The following GRIK5 variants were observed in gnomAD, a reference collection of about 807,000 sequenced individuals.
GRIK5 encodes glutamate ionotropic receptor kainate type subunit 5.
Under a neutral mutation model 97.4 loss-of-function variants are expected in GRIK5, and 43 were observed. The observed-to-expected ratio is 0.44, with a 90% CI of 0.35 to 0.57. GRIK5 has a LOEUF of 0.57. GRIK5 is among the 20% of genes least tolerant of loss of function. GRIK5 has a pLI of 0.01. For synonymous variants in GRIK5, 580 were observed against 583.5 expected (o/e 0.99, Z 0.09); for missense variants, 1,015 against 1,382.0 (o/e 0.73, Z 4.21).
At chr19:42,013,664 C>T (rs527928346) in intron 15 of GRIK5, among the ~76,000 whole-genome samples, 10 of 152,162 alleles carry the variant, frequency 6.6e-5, no homozygotes, top group Admixed American at 3.9e-4. Context: ...CCCACCTCGG[C>T]CTCCCAAAGT....
At chr19:42,041,894 C>T (rs1019187691) in intron 12 of GRIK5, among the ~76,000 whole-genome samples, 2 of 152,148 alleles carry the variant, frequency 1.3e-5, no homozygotes, top group Admixed American at 1.3e-4. Flanking sequence ...CCTCTGGGAC[C>T]GTCCTCTGAG....
chr19:42,023,979 G>A (rs1408652071), intron 12 of GRIK5, among the ~76,000 whole-genome samples: 2 of 152,210 alleles, frequency 1.3e-5, no homozygotes, highest in Non-Finnish European at 2.9e-5. Context: ...CAGCTGCCCT[G>A]CCAGCCTCCC....
Position 42,021,329 on chromosome 19 carries a change from G to A in GRIK5, c.1843C>T (p.Leu615=), listed in dbSNP as rs201439530. 4.6e-4 allele frequency: 737 copies of A among 1,613,288 alleles called. No individual in the cohort carries two copies. Among genetic ancestry groups the A allele is most frequent in the Non-Finnish European group, 6.1e-4 (718 of 1,179,938 alleles). Residue 615 remains leucine, a synonymous_variant, in exon 15 of 20, where the codon CTG becomes TTG. Coordinates refer to ENST00000593562, the MANE Select transcript of GRIK5 (RefSeq NM_002088.5). This position sits in a 1 kb window ranked among gnomAD's most constrained non-coding sequence, Gnocchi z 4.2. ...ACTCCGCTGACACAGCGCGTGGACA[G>A]CGCCCGGGGCATGATCTCCGAGCCC... ...QQGSEIMPRA[L]STRCVSGVWW...
chr19:42,037,231 G>C (rs754116432), intron 12 of GRIK5, among the ~76,000 whole-genome samples: 2 of 152,166 alleles, frequency 1.3e-5, no homozygotes, highest in African/African-American at 2.4e-5. Context: ...AGGCCAAGGC[G>C]GACAGCTCAC....
intron 11 of GRIK5, among the ~76,000 whole-genome samples, chr19:42,043,857 CTATGACTG>C (rs1444005004): frequency 1.3e-5 from 2 of 152,148 alleles, no homozygotes; most frequent in East Asian, 3.8e-4. Flanking sequence ...CTGCAGTGAG[CTATGACTG>C]TACCACTGCA....
At chr19:42,007,046 C>T (rs1220096910) in intron 15 of GRIK5, among the ~76,000 whole-genome samples, 2 of 152,216 alleles carry the variant, frequency 1.3e-5, no homozygotes, top group African/African-American at 2.4e-5. Flanking sequence ...CTGGAAATAC[C>T]CTCCCACCAT....
Position 41,999,041 on chromosome 19 carries a change from TGGGGGCGGCGGGTCGGGCTCCGCTG to T in GRIK5, c.2748_2772del (p.Ser917ProfsTer?). On this transcript the variant is annotated frameshift_variant, in exon 20 of 20. Transcript: ENST00000593562. LOFTEE classifies it low-confidence loss of function (END_TRUNC). The surrounding 1 kb of genome is among the most constrained non-coding windows in gnomAD (Gnocchi z 5.0). ...CAGACGCGCACGTGGGTGCAGGGGG[TGGGGGCGGCGGGTCGGGCTCCGCTG>T]GGGGGCCCCGGGTCGTCCAGGAGGC... is the stretch of plus-strand genomic sequence containing the variant. 1.6e-6 allele frequency: 1 copy of T among 629,500 alleles called. No individual in the cohort carries two copies. The highest frequency in any genetic ancestry group is 2.0e-6 in the Non-Finnish European group (1 of 496,038). 39.0% of individuals were successfully genotyped at this position (629,500 alleles called of 1,614,324 possible).
At chr19:42,041,244 A>G (rs2075973654) in intron 12 of GRIK5, among the ~76,000 whole-genome samples, 1 of 152,114 alleles carries the variant, frequency 6.6e-6, no homozygotes, top group Non-Finnish European at 1.5e-5. Flanking sequence ...ATCTCTGATG[A>G]GCTCTGTCAA....
intron 11 of GRIK5, among the ~76,000 whole-genome samples, chr19:42,047,537 C>A (rs890433062): frequency 1.3e-5 from 2 of 152,016 alleles, no homozygotes; most frequent in African/African-American, 2.4e-5. Flanking sequence ...CAAAGACAGA[C>A]AAACAGACAA....
chr19:42,026,903 C>T (rs2075778638), intron 12 of GRIK5, among the ~76,000 whole-genome samples: 1 of 152,042 alleles, frequency 6.6e-6, no homozygotes, highest in Non-Finnish European at 1.5e-5. Flanking sequence ...ATGCCTCACC[C>T]GACCCAATGA....
chr19:42,061,827 C>A (rs2076263597), intron 5 of GRIK5, among the ~76,000 whole-genome samples: 1 of 152,230 alleles, frequency 6.6e-6, no homozygotes, highest in Admixed American at 6.5e-5. Flanking sequence ...CTCTACACTG[C>A]AGCCAAAGGG....
chr19:42,005,942 G>T lies in GRIK5; in HGVS notation c.2044C>A (p.Arg682=). Residue 682 remains arginine, a synonymous_variant, in exon 17 of 20, where the codon CGG becomes AGG. Transcript: ENST00000593562. ...GSTMTFFQNS[R]YQTYQRMWNY... ...CACATGCGCTGGTACGTTTGGTACC[G>T]TGAATTCTGGGCAGGAGGATCACAA... is the stretch of plus-strand genomic sequence containing the variant. 1 of 1,520,614 alleles carries T rather than the reference G, an allele frequency of 6.6e-7. No homozygotes were observed. Among genetic ancestry groups the T allele is most frequent in the Non-Finnish European group, 9.1e-7 (1 of 1,103,456 alleles). The allele number at this position is 1,520,614 out of a possible 1,614,324, so 94.2% of individuals were successfully genotyped here.
intron 1 of GRIK5, among the ~76,000 whole-genome samples, chr19:42,066,490 AAGAG>A (rs1035045319): frequency 7.2e-5 from 11 of 151,936 alleles, no homozygotes; most frequent in Non-Finnish European, 1.2e-4. Flanking sequence ...AAAAAAAGCA[AAGAG>A]AGAGAAGGGA....
At chr19:42,025,588 T>C (rs546714938) in intron 12 of GRIK5, among the ~76,000 whole-genome samples, 1 of 152,030 alleles carries the variant, frequency 6.6e-6, no homozygotes, top group East Asian at 1.9e-4. Flanking sequence ...AACATGGGGG[T>C]TGTCCTGTAC....
chr19:42,056,484 A>G (rs1035589346), intron 8 of GRIK5, among the ~76,000 whole-genome samples, 178 bp downstream of exon 8: 1 of 152,064 alleles, frequency 6.6e-6, no homozygotes, highest in Non-Finnish European at 1.5e-5. Context: ...GTGTGGCCAG[A>G]GTGGTGTGGG....
chr19:42,054,059 A>C (rs1378383280), intron 9 of GRIK5, 130 bp from the exon 10 acceptor site: 2 of 678,492 alleles, frequency 2.9e-6, no homozygotes, highest in African/African-American at 3.6e-5. Flanking sequence ...AAGAGAGAGA[A>C]GAGGAAGATC....
intron 12 of GRIK5, among the ~76,000 whole-genome samples, chr19:42,032,105 G>A (rs554664202): frequency 2.6e-5 from 4 of 152,132 alleles, no homozygotes; most frequent in African/African-American, 2.4e-5. Context: ...TAAGTGAGAC[G>A]CCAATCTCAA....
intron 11 of GRIK5, among the ~76,000 whole-genome samples, chr19:42,050,503 C>CA (rs888477637): frequency 5.3e-5 from 8 of 150,852 alleles, no homozygotes; most frequent in Non-Finnish European, 1.0e-4. Flanking sequence ...ACTAAAAATA[C>CA]AAAAAAAAGC....
intron 11 of GRIK5, among the ~76,000 whole-genome samples, chr19:42,052,922 A>G (rs2076135548): frequency 6.6e-6 from 1 of 152,262 alleles, no homozygotes; most frequent in South Asian, 2.1e-4. Context: ...AAAGGGGGAA[A>G]TAAGACAAAG....
Sources: gnomAD v4.1 joint callset for allele counts (sites outside exome capture counted in the v4.1 genomes callset) on GRCh38, gnomAD v4.1.1 for gene constraint, Gnocchi (gnomAD v3.1) non-coding constraint, MANE v1.5 for transcripts, NCBI Gene and HGNC (gene_info 2026-07-23, HGNC 2026-07-21) for gene names.